CEP120: variants seen among roughly 807,000 people sequenced by gnomAD.
The protein encoded by CEP120 is centrosomal protein of 120 kDa.
CEP120 carries 113 observed loss-of-function variants against 126.5 expected under a neutral mutation model. The observed-to-expected ratio is 0.89, with a 90% CI of 0.77 to 1.04. The LOEUF (loss-of-function observed/expected upper bound fraction) is 1.04. Among genes scored for constraint, CEP120 ranks in the 50% least tolerant of loss-of-function variants. The pLI is 0.00. For missense variants in CEP120, 1,230 were observed against 1,155.7 expected (o/e 1.06, Z -0.93); for synonymous variants, 400 against 394.3 (o/e 1.01, Z -0.17).
chr5:123,379,958 A>G (rs929030185), intron 14 of CEP120, among the ~76,000 whole-genome samples: 1 of 152,110 alleles, frequency 6.6e-6, no homozygotes, highest in African/African-American at 2.4e-5. Flanking sequence ...GGTAATGACT[A>G]TCTTCAGCTA....
chr5:123,403,580 T>C (rs1773428441), intron 4 of CEP120: 2 of 325,116 alleles, frequency 6.2e-6, no homozygotes, highest in South Asian at 4.9e-5. Flanking sequence ...AAAAGAGTTA[T>C]TAATTACAAA....
At chr5:123,381,381 G>GCACTGGAA (rs1771637231) in intron 14 of CEP120, among the ~76,000 whole-genome samples, 1 of 151,942 alleles carries the variant, frequency 6.6e-6, no homozygotes, top group Non-Finnish European at 1.5e-5. Flanking sequence ...GAGAGAAGGA[G>GCACTGGAA]CACTGGAGCC....
Position 123,423,354 on chromosome 5 carries a change from C to T in CEP120, c.-356G>A, listed in dbSNP as rs1211248544. ...GGCCGCCGCCGCGCCCAGCTTCCGC[C>T]TAGCAACCAGGCCCGCAGGCCCAGT... On this transcript the variant is annotated 5_prime_UTR_variant, in exon 1 of 20. Coordinates refer to ENST00000306467, the MANE Select transcript of CEP120 (RefSeq NM_001375405.1). 8.8e-6 allele frequency: 3 copies of T among 341,768 alleles called. No individual in the cohort carries two copies. The East Asian group carries it at 2.0e-4, about 23-fold the overall frequency. The allele number at this position is 341,768 out of a possible 1,614,324, so 21.2% of individuals were successfully genotyped here. A position where few individuals can be genotyped will look rare whatever the true frequency, so the allele number is the denominator to read the frequency against.
chr5:123,419,188 G>T (rs185611849), intron 1 of CEP120, among the ~76,000 whole-genome samples: 14 of 152,238 alleles, frequency 9.2e-5, no homozygotes, highest in African/African-American at 3.4e-4. Context: ...ACTTTGAGTA[G>T]GAATGATCTC....
At position 123,350,105 on chromosome 5, in the gene CEP120, GAAAC is replaced by G. The variant is rs1299102020; in HGVS notation, c.2581-20_2581-17del. 1.3e-6 allele frequency: 2 copies of G among 1,598,148 alleles called. No individual in the cohort carries two copies. Among genetic ancestry groups the G allele is most frequent in the Non-Finnish European group, 1.7e-6 (2 of 1,173,518 alleles). ...CTTGCTCCCTCTTGAAAGAAACAAA[GAAAC>G]AAGTCATATCCTTAATATTAGGAAC... On this transcript the variant is annotated splice_polypyrimidine_tract_variant and intron_variant, in intron 18 of 19. Transcript: ENST00000306467.
At chr5:123,375,489 A>G (rs901904164) in intron 16 of CEP120, among the ~76,000 whole-genome samples, 3 of 151,894 alleles carry the variant, frequency 2.0e-5, no homozygotes, top group Non-Finnish European at 4.4e-5. Context: ...TGCCTGGCTA[A>G]TTTTTATATG....
intron 14 of CEP120, among the ~76,000 whole-genome samples, chr5:123,380,961 C>T (rs1055190468): frequency 6.6e-6 from 1 of 151,998 alleles, no homozygotes; most frequent in African/African-American, 2.4e-5. Context: ...CTTTGAAATA[C>T]TCTTATTTTT....
Position 123,382,750 on chromosome 5 carries a change from A to G in CEP120, c.2000T>C (p.Ile667Thr), listed in dbSNP as rs746566779. 11 of 1,611,746 alleles carry G rather than the reference A, an allele frequency of 6.8e-6. No homozygotes were observed. The African/African-American group carries it at 8.0e-5, about 12-fold the overall frequency. ...TTAAAAAGTAACCTGATTTTCAAAT[A>G]TATCTTCTTGCATCTCCTTCCACAT... ...LEMWKEMQED[I>T]FENQLKQKEL... The change falls in exon 13 of 20, where the codon ATA becomes ACA. Residue 667 changes from isoleucine to threonine, a missense_variant. Transcript: ENST00000306467.
intron 4 of CEP120, among the ~76,000 whole-genome samples, chr5:123,409,971 C>CAAAAAAAAAAAAAAAAAA: frequency 1.5e-5 from 1 of 67,590 alleles, no homozygotes; most frequent in Non-Finnish European, 2.5e-5. Context: ...ACAAAACAAG[C>CAAAAAAAAAAAAAAAAAA]AAAAAAAAAA....
chr5:123,411,652 C>T (rs2127125075), intron 4 of CEP120, among the ~76,000 whole-genome samples: 1 of 152,136 alleles, frequency 6.6e-6, no homozygotes, highest in African/African-American at 2.4e-5. Context: ...ACTATGGAGA[C>T]AGTAAAAAAG....
At chr5:123,376,322 A>T (rs1771222544) in intron 16 of CEP120, among the ~76,000 whole-genome samples, 1 of 152,038 alleles carries the variant, frequency 6.6e-6, no homozygotes, top group East Asian at 1.9e-4. Flanking sequence ...TAATGCAGCA[A>T]ACATGAAGAT....
intron 1 of CEP120, chr5:123,422,530 G>A (rs1454063548): frequency 2.6e-6 from 4 of 1,535,456 alleles, no homozygotes; most frequent in Non-Finnish European, 2.6e-6. Flanking sequence ...CCAGCAAGAC[G>A]TGTAAAGGGA....
chr5:123,388,336 TA>T lies in CEP120; in HGVS notation c.1430+95del, dbSNP rs1772160596. Reference sequence around the variant, plus strand: ...TAGTCCACTGATTTAACAAATGTTATAACTTCTTTGGTGACATTTCTCTCTG... The same window carrying T: ...TAGTCCACTGATTTAACAAATGTTATACTTCTTTGGTGACATTTCTCTCTG... On this transcript the variant is annotated intron_variant, in intron 9 of 19. Transcript: ENST00000306467. 5 of 811,118 alleles carry T rather than the reference TA, an allele frequency of 6.2e-6. No individual in the cohort carries two copies. The South Asian group carries it at 1.1e-4, about 17-fold the overall frequency. 50.2% of individuals were successfully genotyped at this position (811,118 alleles called of 1,614,324 possible).
In CEP120 at chr5:123,403,280, G is replaced by A. The variant is rs529794892; in HGVS notation, c.464-3996C>T. 549 of 456,092 alleles carry A rather than the reference G, an allele frequency of 1.2e-3. 4 individuals carry two copies. Among genetic ancestry groups the A allele is most frequent in the African/African-American group, 9.9e-3 (495 of 50,154 alleles). The allele number at this position is 456,092 out of a possible 1,614,324, so 28.3% of individuals were successfully genotyped here. A position where few individuals can be genotyped will look rare whatever the true frequency, so the allele number is the denominator to read the frequency against. On this transcript the variant is annotated intron_variant, in intron 4 of 19. Transcript: ENST00000306467. Reference sequence around the variant, plus strand: ...CCGAAAGGAAGCAGGGCTCCTTAGAGAAATGGCTGAATCCAGAGCTGAGAC... The same window carrying A: ...CCGAAAGGAAGCAGGGCTCCTTAGAAAAATGGCTGAATCCAGAGCTGAGAC...
intron 16 of CEP120, among the ~76,000 whole-genome samples, chr5:123,374,971 A>G (rs1252229879): frequency 6.6e-6 from 1 of 152,098 alleles, no homozygotes. Flanking sequence ...GCTATAATCT[A>G]TTTGAGTACA....
chr5:123,393,267 C>T (rs1580703972), intron 6 of CEP120, 33 bp downstream of exon 6: 2 of 1,603,070 alleles, frequency 1.2e-6, no homozygotes, highest in South Asian at 1.1e-5. Flanking sequence ...AAAAGACCAC[C>T]TCCAGCTAAA....
At chr5:123,365,925 C>T (rs1179181413) in intron 17 of CEP120, among the ~76,000 whole-genome samples, 1 of 151,222 alleles carries the variant, frequency 6.6e-6, no homozygotes. Context: ...ATTACTTATA[C>T]TCAATGCACC....
intron 1 of CEP120, chr5:123,422,399 A>C (rs570979313): frequency 5.0e-6 from 5 of 1,002,388 alleles, no homozygotes; most frequent in Non-Finnish European, 7.5e-6. Context: ...TTTCATTCTT[A>C]CATTCCCAGC....
At chr5:123,401,183 C>G in intron 4 of CEP120, 7 of 1,612,436 alleles carry the variant, frequency 4.3e-6, no homozygotes, top group Non-Finnish European at 5.9e-6. Flanking sequence ...AGGTGGCGAT[C>G]TCGATGTCCA....
Sources: allele counts gnomAD v4.1 joint callset (sites outside exome capture counted in the v4.1 genomes callset), GRCh38; gene constraint gnomAD v4.1.1; transcripts MANE v1.5; gene names NCBI Gene and HGNC (gene_info 2026-07-23, HGNC 2026-07-21).